The following YIPF5 variants were observed in gnomAD, a reference collection of about 807,000 sequenced individuals.
The protein encoded by YIPF5 is protein YIPF5.
A neutral mutation model predicts 30.4 loss-of-function variants in YIPF5; 8 were observed. The ratio of observed to expected loss-of-function variants is 0.26; its 90% CI spans 0.15 to 0.47. The LOEUF (loss-of-function observed/expected upper bound fraction) is 0.47, where lower values mean the gene tolerates loss of function less well. Among genes scored for constraint, YIPF5 ranks in the 20% least tolerant of loss-of-function variants. The probability of loss-of-function intolerance (pLI) is 0.99; values close to 1 mark genes in which losing one functional copy is unlikely to be tolerated. For missense variants in YIPF5, 282 were observed against 301.8 expected (o/e 0.93, Z 0.49); for synonymous variants, 104 against 107.9 (o/e 0.96, Z 0.23).
At chr5:144,169,744 TA>T in intron 2 of YIPF5, 101 bp downstream of exon 2, 1 of 932,342 alleles carries the variant, frequency 1.1e-6, no homozygotes. Context: ...ATACTCCTGA[TA>T]AAGGACATGT....
chr5:144,161,381 T>C (rs1230612705), intron 5 of YIPF5, among the ~76,000 whole-genome samples: 1 of 138,930 alleles, frequency 7.2e-6, no homozygotes, highest in East Asian at 2.2e-4. Context: ...TCGCTTTTGT[T>C]GCCCAGGCTG....
At position 144,160,513 on chromosome 5, in the gene YIPF5, T is replaced by A; in HGVS notation, c.658A>T (p.Ser220Cys). 1 of 1,613,952 alleles carries A rather than the reference T, an allele frequency of 6.2e-7. No homozygotes were observed. Among genetic ancestry groups the A allele is most frequent in the Non-Finnish European group, 8.5e-7 (1 of 1,180,004 alleles). Residue 220 changes from serine (S) to cysteine (C), a missense_variant, in exon 6 of 6, where the codon AGT becomes TGT. By Grantham distance (112) the Ser-to-Cys change is moderately radical. Coordinates refer to ENST00000274496, the MANE Select transcript of YIPF5 (RefSeq NM_030799.9). ...ATAAATATTTTGGAAGCAGAAAAAC[T>A]ACACCATCCAATAATCCCAGCAGTG... Reference protein sequence around the residue: ...ILTAGIIGWCSFSASKIFISA... With the variant: ...ILTAGIIGWCCFSASKIFISA...
At chr5:144,169,095 G>C (rs1752282334) in intron 2 of YIPF5, among the ~76,000 whole-genome samples, 3 of 152,136 alleles carry the variant, frequency 2.0e-5, no homozygotes, top group Non-Finnish European at 4.4e-5. Flanking sequence ...AGCAATCCTA[G>C]TATAGGAAGC....
intron 2 of YIPF5, among the ~76,000 whole-genome samples, chr5:144,167,461 T>A (rs1274620597): frequency 6.6e-6 from 1 of 151,902 alleles, no homozygotes; most frequent in East Asian, 1.9e-4. Context: ...ATGGAAAACC[T>A]CAGATATTCC....
In YIPF5 at chr5:144,158,412, A is replaced by C; in HGVS notation, c.*1985T>G. ...AATCTCTACAATAATTTAAACTAAA[A>C]ATGTTGTTGAGGATAGGGTAAACAA... On this transcript the variant is annotated 3_prime_UTR_variant, in exon 6 of 6. Coordinates refer to ENST00000274496, the MANE Select transcript of YIPF5 (RefSeq NM_030799.9). The C allele has an allele frequency of 8.0e-7, 1 of 1,247,126 alleles. No homozygotes were observed. Among genetic ancestry groups the C allele is most frequent in the Non-Finnish European group, 1.0e-6 (1 of 967,344 alleles). 77.3% of individuals were successfully genotyped at this position (1,247,126 alleles called of 1,614,324 possible).
In YIPF5 at chr5:144,160,006, C is replaced by T. The variant is rs183834966; in HGVS notation, c.*391G>A. On this transcript the variant is annotated 3_prime_UTR_variant, in exon 6 of 6. Coordinates refer to ENST00000274496, the MANE Select transcript of YIPF5 (RefSeq NM_030799.9). ...TACAGGCGTGAGCTACCACGCCCGG[C>T]CGTCTTGTGTCTTCTTTACTGTGAC... 180 of 988,942 alleles carry T rather than the reference C, an allele frequency of 1.8e-4. No homozygotes were observed. The African/African-American group carries it at 2.5e-3, about 14-fold the overall frequency. 61.3% of individuals were successfully genotyped at this position (988,942 alleles called of 1,614,324 possible).
Position 144,165,414 on chromosome 5 carries a change from T to A in YIPF5, c.283+18A>T, listed in dbSNP as rs745453192. On this transcript the variant is annotated intron_variant, in intron 3 of 5. Coordinates refer to ENST00000274496, the MANE Select transcript of YIPF5 (RefSeq NM_030799.9). ...CTGAATACTATTGAGTACTATCAAGTGTTGCAACAAATCTTACCTTCTAAT... is the reference window on the plus strand; with the variant it reads ...CTGAATACTATTGAGTACTATCAAGAGTTGCAACAAATCTTACCTTCTAAT... 1.2e-6 allele frequency: 2 copies of A among 1,613,488 alleles called. No individual in the cohort carries two copies. Among genetic ancestry groups the A allele is most frequent in the South Asian group, 2.2e-5 (2 of 91,080 alleles).
At chr5:144,163,331 A>C (rs1302121687) in intron 4 of YIPF5, among the ~76,000 whole-genome samples, 1 of 152,194 alleles carries the variant, frequency 6.6e-6, no homozygotes, top group East Asian at 1.9e-4. Context: ...GAGTTCATTG[A>C]TGAATTAATT....
chr5:144,169,994 C>T (rs952177807), intron 1 of YIPF5, 29 bp from the exon 2 acceptor site: 1 of 1,555,714 alleles, frequency 6.4e-7, no homozygotes, highest in Admixed American at 1.7e-5. Context: ...GGCAAATATT[C>T]CTTATGCCCA....
Position 144,159,120 on chromosome 5 carries a change from C to G in YIPF5, c.*1277G>C, listed in dbSNP as rs1036433123. The G allele has an allele frequency of 4.1e-6, 4 of 982,908 alleles. No individual in the cohort carries two copies. Among genetic ancestry groups the G allele is most frequent in the Non-Finnish European group, 4.8e-6 (4 of 827,708 alleles). 60.9% of individuals were successfully genotyped at this position (982,908 alleles called of 1,614,324 possible). A position where few individuals can be genotyped will look rare whatever the true frequency, so the allele number is the denominator to read the frequency against. On this transcript the variant is annotated 3_prime_UTR_variant, in exon 6 of 6. Transcript: ENST00000274496. ...TTTAATACAATAAAATAATGTAACTCAAACTGCTCATTTAATCCCCTTTTT... is the reference window on the plus strand; with the variant it reads ...TTTAATACAATAAAATAATGTAACTGAAACTGCTCATTTAATCCCCTTTTT...
intron 2 of YIPF5, among the ~76,000 whole-genome samples, chr5:144,168,535 C>A (rs1752263140): frequency 1.3e-5 from 2 of 152,042 alleles, no homozygotes; most frequent in South Asian, 4.1e-4. Flanking sequence ...AATGGAAATA[C>A]CTCAATACAA....
intron 4 of YIPF5, among the ~76,000 whole-genome samples, chr5:144,162,846 T>G (rs1219781965): frequency 1.3e-5 from 2 of 152,138 alleles, no homozygotes; most frequent in Non-Finnish European, 2.9e-5. Flanking sequence ...GTAGTCATAA[T>G]CTTTTTAAGA....
chr5:144,161,367 A>T (rs1752038686), intron 5 of YIPF5, among the ~76,000 whole-genome samples: 1 of 72,760 alleles, frequency 1.4e-5, no homozygotes, highest in South Asian at 4.3e-4. Flanking sequence ...TTTTTGAGAC[A>T]GTTTCGCTTT....
At chr5:144,163,383 A>T (rs1752106442) in intron 4 of YIPF5, among the ~76,000 whole-genome samples, 1 of 152,186 alleles carries the variant, frequency 6.6e-6, no homozygotes, top group Admixed American at 6.5e-5. Flanking sequence ...AGTGTTTTTA[A>T]CTTTTCAATG....
intron 2 of YIPF5, among the ~76,000 whole-genome samples, chr5:144,168,940 T>C (rs1185610304): frequency 1.3e-5 from 2 of 152,230 alleles, no homozygotes; most frequent in Non-Finnish European, 2.9e-5. Flanking sequence ...TCGGGATCCA[T>C]GATGAACATC....
In YIPF5 at chr5:144,164,250, C is replaced by A. The variant is rs778505668; in HGVS notation, c.290G>T (p.Gly97Val). The change falls in exon 4 of 6, where the codon GGT becomes GTT. Residue 97 changes from glycine to valine, a missense_variant. Transcript: ENST00000274496. ...EDEPPLLEELGINFDHIWQKT... is the reference protein window; with the variant it reads ...EDEPPLLEELVINFDHIWQKT... ...TTGCCAGATGTGGTCAAAATTGATA[C>A]CTAACTCTAAAGAGAAAGAAAATTT... The A allele has an allele frequency of 1.9e-6, 3 of 1,605,316 alleles. No homozygotes were observed. Among genetic ancestry groups the A allele is most frequent in the Non-Finnish European group, 2.6e-6 (3 of 1,176,260 alleles).
intron 2 of YIPF5, among the ~76,000 whole-genome samples, chr5:144,167,259 G>A (rs1201412255): frequency 6.6e-6 from 1 of 152,078 alleles, no homozygotes; most frequent in African/African-American, 2.4e-5. Context: ...TTCCTTTTCT[G>A]GCAGGACCTA....
Position 144,166,439 on chromosome 5 carries a change from T to C in YIPF5, c.111-835A>G, listed in dbSNP as rs575179045. On this transcript the variant is annotated intron_variant, in intron 2 of 5. Transcript: ENST00000274496. The stretch of plus-strand genomic sequence containing the variant: ...CTTACTGATGGGACTAATCTAATGA[T>C]ATACTAAGAAACACAGATGTAAAAT... Among the ~76,000 whole-genome samples, 10 of 152,302 alleles carry C rather than the reference T, an allele frequency of 6.6e-5. No individual in the cohort carries two copies. In the South Asian group the frequency reaches 1.7e-3, roughly 25 times the overall value.
At chr5:144,165,802 A>G (rs1007647774) in intron 2 of YIPF5, among the ~76,000 whole-genome samples, 198 bp from the exon 3 acceptor site, 1 of 152,202 alleles carries the variant, frequency 6.6e-6, no homozygotes, top group Non-Finnish European at 1.5e-5. Context: ...TAAAAAAATC[A>G]TAATTTTTAT....
Sources: gnomAD v4.1 joint callset for allele counts (sites outside exome capture counted in the v4.1 genomes callset) on GRCh38, gnomAD v4.1.1 for gene constraint, MANE v1.5 for transcripts, NCBI Gene and HGNC (gene_info 2026-07-23, HGNC 2026-07-21) for gene names.